The following ARFGEF1 variants were observed in gnomAD, a reference collection of about 807,000 sequenced individuals.
ARFGEF1 encodes ARF guanine nucleotide exchange factor 1, also known as brefeldin A-inhibited guanine nucleotide-exchange protein 1.
A neutral mutation model predicts 231.0 loss-of-function variants in ARFGEF1; 42 were observed. The ratio of observed to expected loss-of-function variants is 0.18; its 90% CI spans 0.14 to 0.24. The LOEUF (loss-of-function observed/expected upper bound fraction) is 0.24, where lower values mean the gene tolerates loss of function less well. Among genes scored for constraint, ARFGEF1 ranks in the 10% least tolerant of loss-of-function variants. The pLI is 1.00. For missense variants in ARFGEF1, 1,345 were observed against 2,192.0 expected, an observed-to-expected ratio of 0.61 and a Z score of 7.72; for synonymous variants, 710 against 732.3, an observed-to-expected ratio of 0.97 and a Z score of 0.49.
intron 1 of ARFGEF1, among the ~76,000 whole-genome samples, chr8:67,307,240 C>A (rs1806790115): frequency 6.6e-6 from 1 of 152,160 alleles, no homozygotes; most frequent in African/African-American, 2.4e-5. Flanking sequence ...TCCTGCTTGC[C>A]TCCTCCTTTT....
At chr8:67,243,072 T>C (rs1327919373) in intron 19 of ARFGEF1, among the ~76,000 whole-genome samples, 5 of 152,226 alleles carry the variant, frequency 3.3e-5, no homozygotes, top group African/African-American at 1.2e-4. Context: ...TCTCTGGACC[T>C]GCCTGGAACC....
chr8:67,173,719 T>A (rs1830940401), downstream of ARFGEF1: 1 of 152,290 alleles, frequency 6.6e-6, no homozygotes, highest in South Asian at 2.1e-4. Flanking sequence ...CACCTAGATT[T>A]ACACGTATTA....
Position 67,271,698 on chromosome 8 carries a change from G to A in ARFGEF1, c.1572+4C>T, listed in dbSNP as rs16933229. On this transcript the variant is annotated splice_donor_region_variant and intron_variant, in intron 10 of 38. Transcript: ENST00000262215. The stretch of plus-strand genomic sequence containing the variant: ...GTAACATTATGCCTAAATGCAAAAC[G>A]TACCTCAATTTGCATCTTCAGATGT... The A allele has an allele frequency of 3.0e-3, 4,700 of 1,589,936 alleles. 124 individuals carry two copies. The African/African-American group carries it at 0.057, about 19-fold the overall frequency.
chr8:67,240,128 C>A, intron 20 of ARFGEF1, 34 bp downstream of exon 20: 1 of 1,600,488 alleles, frequency 6.2e-7, no homozygotes, highest in Non-Finnish European at 8.5e-7. Context: ...AATTAATGTT[C>A]CAAACTGGCT....
Position 67,198,266 on chromosome 8 carries a change from GA to G in ARFGEF1, c.*667del, listed in dbSNP as rs1838174394. On this transcript the variant is annotated 3_prime_UTR_variant, in exon 39 of 39. Coordinates refer to ENST00000262215, the MANE Select transcript of ARFGEF1 (RefSeq NM_006421.5). ...CTAAAAATCCCTATAAAATAAAAAA[GA>G]AAGTTCCACCCAAATGTTTAGTGCA... 2 of 985,390 alleles carry G rather than the reference GA, an allele frequency of 2.0e-6. No individual in the cohort carries two copies. 61.0% of individuals were successfully genotyped at this position (985,390 alleles called of 1,614,324 possible). A position where few individuals can be genotyped will look rare whatever the true frequency, so the allele number is the denominator to read the frequency against.
In ARFGEF1 at chr8:67,204,703, C is replaced by A; in HGVS notation, c.4936G>T (p.Ala1646Ser). 1 of 1,613,700 alleles carries A rather than the reference C, an allele frequency of 6.2e-7. No individual in the cohort carries two copies. Among genetic ancestry groups the A allele is most frequent in the Non-Finnish European group, 8.5e-7 (1 of 1,179,870 alleles). ...ACCTGTGCTGCAGCTAAGTTTTCTG[C>A]ATCTTCTTTCTTACTTGTGGCTGGG... is the stretch of plus-strand genomic sequence containing the variant. ...FFPATSKKED[A>S]ENLAAAQRDA... The change falls in exon 35 of 39, where the codon GCA (alanine) becomes TCA (serine). Residue 1646 changes from alanine to serine, a missense_variant. Ala to Ser is a moderately conservative substitution (Grantham distance 99). Coordinates refer to ENST00000262215, the MANE Select transcript of ARFGEF1 (RefSeq NM_006421.5).
chr8:67,198,498 CATGA>C lies in ARFGEF1; in HGVS notation c.*432_*435del. ...ACCATAGTTGCTAAATATCTTTTAC[CATGA>C]ACAATAATTTCTTCTTCTCTCCCCA... is the stretch of plus-strand genomic sequence containing the variant. On this transcript the variant is annotated 3_prime_UTR_variant, in exon 39 of 39. Transcript: ENST00000262215. 1.0e-6 allele frequency: 1 copy of C among 989,738 alleles called. No individual in the cohort carries two copies. Among genetic ancestry groups the C allele is most frequent in the Non-Finnish European group, 1.2e-6 (1 of 832,872 alleles). 61.3% of individuals were successfully genotyped at this position (989,738 alleles called of 1,614,324 possible). A position where few individuals can be genotyped will look rare whatever the true frequency, so the allele number is the denominator to read the frequency against.
chr8:67,245,029 C>T (rs1840062577), intron 19 of ARFGEF1, among the ~76,000 whole-genome samples: 2 of 150,604 alleles, frequency 1.3e-5, no homozygotes, highest in Non-Finnish European at 2.9e-5. Flanking sequence ...TGGCAGCAGA[C>T]TATTCAGTGG....
At chr8:67,254,230 T>A (rs1840384242) in intron 17 of ARFGEF1, among the ~76,000 whole-genome samples, 1 of 152,232 alleles carries the variant, frequency 6.6e-6, no homozygotes, top group Non-Finnish European at 1.5e-5. Context: ...AATACAAGTT[T>A]GGAGTCTGTA....
intron 33 of ARFGEF1, among the ~76,000 whole-genome samples, chr8:67,215,255 T>C (rs957747026): frequency 6.6e-6 from 1 of 152,166 alleles, no homozygotes; most frequent in African/African-American, 2.4e-5. Flanking sequence ...ATTATATTTA[T>C]AAGGGATTTT....
At chr8:67,258,392 C>T (rs1840529497) in intron 15 of ARFGEF1, 102 bp from the exon 16 acceptor site, 2 of 765,110 alleles carry the variant, frequency 2.6e-6, no homozygotes, top group Admixed American at 5.6e-5. Flanking sequence ...GTGGCACGAT[C>T]TCGGCTCACT....
At chr8:67,320,223 CAAAAAAA>C (rs544834392) in intron 1 of ARFGEF1, among the ~76,000 whole-genome samples, 4 of 45,240 alleles carry the variant, frequency 8.8e-5, no homozygotes, top group African/African-American at 1.6e-4. Flanking sequence ...AACGCTATCT[CAAAAAAA>C]AAAAAAAAAA....
At chr8:67,282,115 A>G (rs1308764859) in intron 7 of ARFGEF1, among the ~76,000 whole-genome samples, 1 of 152,132 alleles carries the variant, frequency 6.6e-6, no homozygotes, top group East Asian at 1.9e-4. Flanking sequence ...AAAAATTGAT[A>G]CTATAGAATA....
At position 67,252,143 on chromosome 8, in the gene ARFGEF1, A is replaced by C. The variant is rs549273329; in HGVS notation, c.2699-693T>G. The stretch of plus-strand genomic sequence containing the variant: ...AAAAATTAGTCAGGTGTGGTGGCGC[A>C]CGCCTGTAATCCCAGCTACTCGGGA... On this transcript the variant is annotated intron_variant, in intron 18 of 38. Coordinates refer to ENST00000262215, the MANE Select transcript of ARFGEF1 (RefSeq NM_006421.5). Among the ~76,000 whole-genome samples, 8 of 152,150 alleles carry C rather than the reference A, an allele frequency of 5.3e-5. No homozygotes were observed. The East Asian group carries it at 1.5e-3, about 29-fold the overall frequency.
At chr8:67,206,061 T>A (rs1838503718) in intron 34 of ARFGEF1, among the ~76,000 whole-genome samples, 1 of 152,086 alleles carries the variant, frequency 6.6e-6, no homozygotes, top group Admixed American at 6.5e-5. Context: ...TTCGTAGTTG[T>A]GACTGAAATT....
intron 5 of ARFGEF1, among the ~76,000 whole-genome samples, chr8:67,183,421 T>A (rs536980294): frequency 7.2e-5 from 11 of 152,194 alleles, no homozygotes; most frequent in African/African-American, 2.2e-4. Context: ...TTAACAGATG[T>A]AAAAGAAGAT....
chr8:67,277,540 AAC>A (rs1805363336), intron 7 of ARFGEF1, 83 bp from the exon 8 acceptor site: 1 of 1,309,674 alleles, frequency 7.6e-7, no homozygotes, highest in African/African-American at 1.5e-5. Flanking sequence ...TTTAAAATGA[AAC>A]AGTGGCAGGA....
chr8:67,298,454 A>G lies in ARFGEF1; in HGVS notation c.459+755T>C, dbSNP rs535213535. On this transcript the variant is annotated intron_variant, in intron 4 of 38. Coordinates refer to ENST00000262215, the MANE Select transcript of ARFGEF1 (RefSeq NM_006421.5). ...ATAGATGGATGGGTGCAACGATATCAGGAGAATTGGCGGATAAGTAGTGTC... is the reference window on the plus strand; with the variant it reads ...ATAGATGGATGGGTGCAACGATATCGGGAGAATTGGCGGATAAGTAGTGTC... 1.9e-4 allele frequency among the ~76,000 whole-genome samples: 29 copies of G among 152,340 alleles called. No individual in the cohort carries two copies. The South Asian group carries it at 5.8e-3, about 30-fold the overall frequency.
chr8:67,342,716 C>G (rs563842868), intron 1 of ARFGEF1, among the ~76,000 whole-genome samples: 1 of 152,272 alleles, frequency 6.6e-6, no homozygotes, highest in South Asian at 2.1e-4. Flanking sequence ...AAGTACCTCG[C>G]CAAACGAAAA....
Sources: allele counts gnomAD v4.1 joint callset (sites outside exome capture counted in the v4.1 genomes callset), GRCh38; gene constraint gnomAD v4.1.1; transcripts MANE v1.5; gene names NCBI Gene and HGNC (gene_info 2026-07-23, HGNC 2026-07-21).